The following NYAP2 variants were observed in gnomAD, a reference collection of about 807,000 sequenced individuals.
The protein encoded by NYAP2 is neuronal tyrosine-phosphorylated phosphoinositide-3-kinase adapter 2.
A neutral mutation model predicts 50.4 loss-of-function variants in NYAP2; 23 were observed. The ratio of observed to expected loss-of-function variants is 0.46; its 90% confidence interval spans 0.33 to 0.65. The LOEUF (loss-of-function observed/expected upper bound fraction) is 0.65. Among genes scored for constraint, NYAP2 ranks in the 30% least tolerant of loss-of-function variants. The probability of loss-of-function intolerance (pLI) is 0.02; values close to 1 mark genes in which losing one functional copy is unlikely to be tolerated. For synonymous variants in NYAP2, 394 were observed against 365.2 expected (o/e 1.08, Z -0.90); for missense variants, 885 against 861.0 (o/e 1.03, Z -0.35).
At chr2:225,549,843 G>A (rs1011018756) in intron 4 of NYAP2, among the ~76,000 whole-genome samples, 3 of 151,962 alleles carry the variant, frequency 2.0e-5, no homozygotes, top group African/African-American at 4.8e-5. Context: ...ATATTAGCTG[G>A]GTATGGTGGC....
chr2:225,547,681 G>C (rs890210987), intron 4 of NYAP2, among the ~76,000 whole-genome samples: 4 of 152,198 alleles, frequency 2.6e-5, no homozygotes, highest in Non-Finnish European at 2.9e-5. Context: ...GCCACTGCTG[G>C]GGGATGGGGA....
chr2:225,510,161 A>G (rs1327479612), intron 3 of NYAP2, among the ~76,000 whole-genome samples: 3 of 152,204 alleles, frequency 2.0e-5, no homozygotes, highest in African/African-American at 7.2e-5. Flanking sequence ...AAACAAACCT[A>G]TATCATTAAA....
At chr2:225,637,981 C>T (rs1430277238) in intron 6 of NYAP2, among the ~76,000 whole-genome samples, 3 of 152,046 alleles carry the variant, frequency 2.0e-5, no homozygotes, top group Non-Finnish European at 2.9e-5. Flanking sequence ...AGGAGTTGAT[C>T]GAAATGAATA....
chr2:225,407,977 A>G (rs1694969605), intron 2 of NYAP2, among the ~76,000 whole-genome samples: 1 of 151,982 alleles, frequency 6.6e-6, no homozygotes, highest in African/African-American at 2.4e-5. Flanking sequence ...ACTCTATTCT[A>G]AATTATTTAC....
At chr2:225,408,843 A>C (rs1264908256) in intron 2 of NYAP2, 21 bp from the exon 3 acceptor site, 1 of 1,422,772 alleles carries the variant, frequency 7.0e-7, no homozygotes, top group East Asian at 2.3e-5. Context: ...GATAAAAGTA[A>C]AATGTGTTCT....
At chr2:225,551,052 A>T (rs1691665270) in intron 4 of NYAP2, among the ~76,000 whole-genome samples, 2 of 152,210 alleles carry the variant, frequency 1.3e-5, no homozygotes, top group Non-Finnish European at 2.9e-5. Context: ...CCAAAATATT[A>T]TGATTTTCCA....
intron 4 of NYAP2, among the ~76,000 whole-genome samples, chr2:225,567,714 G>A (rs1256672799): frequency 6.6e-6 from 1 of 152,080 alleles, no homozygotes; most frequent in Admixed American, 6.6e-5. Flanking sequence ...TTTAGGGTAG[G>A]ATGGTACAAG....
At chr2:225,650,701 G>A (rs1693714851) in intron 6 of NYAP2, among the ~76,000 whole-genome samples, 1 of 152,150 alleles carries the variant, frequency 6.6e-6, no homozygotes, top group African/African-American at 2.4e-5. Flanking sequence ...TCTATGACTT[G>A]TTTTTCCTTT....
At chr2:225,677,630 T>C in the NYAP2 span, among the ~76,000 whole-genome samples, 2 of 152,168 alleles carry the variant, frequency 1.3e-5, no homozygotes, top group East Asian at 1.9e-4. Context: ...TGAAGGGATA[T>C]TGGATTTTAT....
chr2:225,657,390 G>T (rs1243273623), downstream of NYAP2, among the ~76,000 whole-genome samples: 1 of 151,766 alleles, frequency 6.6e-6, no homozygotes, highest in East Asian at 1.9e-4. Context: ...GATTATAGGC[G>T]TGAGCCACTG....
At chr2:225,635,639 A>C (rs1324280645) in intron 6 of NYAP2, among the ~76,000 whole-genome samples, 1 of 152,206 alleles carries the variant, frequency 6.6e-6, no homozygotes, top group Non-Finnish European at 1.5e-5. Flanking sequence ...TGAGACTACT[A>C]TTAGTGCGAC....
intron 3 of NYAP2, among the ~76,000 whole-genome samples, chr2:225,509,865 A>G (rs571620583): frequency 6.6e-6 from 1 of 152,330 alleles, no homozygotes; most frequent in South Asian, 2.1e-4. Context: ...TCCTACCTGT[A>G]CAAGGAATAT....
intron 5 of NYAP2, among the ~76,000 whole-genome samples, chr2:225,615,887 T>C (rs1332368889): frequency 6.6e-6 from 1 of 152,214 alleles, no homozygotes; most frequent in East Asian, 1.9e-4. Flanking sequence ...CGAAAGAGCA[T>C]GGCAGAGCAG....
the NYAP2 span, among the ~76,000 whole-genome samples, chr2:225,689,325 T>G: frequency 6.6e-6 from 1 of 152,168 alleles, no homozygotes; most frequent in Non-Finnish European, 1.5e-5. Context: ...TTATAACTTT[T>G]AAATCTTCTT....
At position 225,482,026 on chromosome 2, in the gene NYAP2, C is replaced by T. The variant is rs115966037; in HGVS notation, c.222-31345C>T. On this transcript the variant is annotated intron_variant, in intron 3 of 6. Transcript: ENST00000636099. ...AAAGCAATGTGACATACACTTATAG[C>T]ATACTGTAATGAGAGTAGAATTAAA... 3.7e-3 allele frequency among the ~76,000 whole-genome samples: 568 copies of T among 152,176 alleles called. 4 individuals are homozygous for T. Among genetic ancestry groups the T allele is most frequent in the African/African-American group, 0.012 (490 of 41,538 alleles).
intron 3 of NYAP2, among the ~76,000 whole-genome samples, chr2:225,512,652 C>G (rs913094291): frequency 6.8e-6 from 1 of 146,570 alleles, no homozygotes; most frequent in Non-Finnish European, 1.5e-5. Context: ...TTCCTCCCTC[C>G]CTTCCTCCCA....
At chr2:225,646,678 A>G (rs1477340061) in intron 6 of NYAP2, among the ~76,000 whole-genome samples, 1 of 152,212 alleles carries the variant, frequency 6.6e-6, no homozygotes, top group African/African-American at 2.4e-5. Context: ...ATCTTACTCT[A>G]TCCCTGCATA....
chr2:225,471,386 A>G (rs1186180739), intron 3 of NYAP2, among the ~76,000 whole-genome samples: 1 of 152,272 alleles, frequency 6.6e-6, no homozygotes, highest in Non-Finnish European at 1.5e-5. Context: ...GACTATAGTC[A>G]CGAATATTTA....
intron 2 of NYAP2, among the ~76,000 whole-genome samples, chr2:225,402,537 A>G (rs1461978361): frequency 6.6e-6 from 1 of 151,994 alleles, no homozygotes; most frequent in Non-Finnish European, 1.5e-5. Context: ...CACCATGACA[A>G]CCTGGAAGAT....
Sources: gnomAD v4.1 joint callset for allele counts (sites outside exome capture counted in the v4.1 genomes callset) on GRCh38, gnomAD v4.1.1 for gene constraint, MANE v1.5 for transcripts, NCBI Gene and HGNC (gene_info 2026-07-23, HGNC 2026-07-21) for gene names.